Variants in NCAM2 observed in about 807,000 individuals in gnomAD.
NCAM2 encodes neural cell adhesion molecule 2.
Under a neutral mutation model 98.1 loss-of-function variants are expected in NCAM2, and 30 were observed. The ratio of observed to expected loss-of-function variants is 0.31; its 90% CI spans 0.23 to 0.41. The LOEUF is 0.41. Ranked by LOEUF, NCAM2 falls within the 10% of genes least tolerant of loss-of-function variation. The pLI is 1.00. For synonymous variants in NCAM2, 368 were observed against 342.4 expected (o/e 1.07, Z -0.83); for missense variants, 867 against 1,005.8 (o/e 0.86, Z 1.87).
intron 1 of NCAM2, among the ~76,000 whole-genome samples, chr21:21,111,107 C>T (rs995252671): frequency 7.9e-5 from 12 of 151,984 alleles, no homozygotes; most frequent in African/African-American, 2.4e-4. Context: ...TTCTCCAAAC[C>T]AAACAGTATG....
intron 1 of NCAM2, among the ~76,000 whole-genome samples, chr21:21,213,546 A>G (rs2069745845): frequency 6.6e-6 from 1 of 152,152 alleles, no homozygotes; most frequent in South Asian, 2.1e-4. Context: ...GGTAGATGCT[A>G]TTAGGAATAA....
At chr21:21,351,009 C>G (rs1488543863) in intron 8 of NCAM2, among the ~76,000 whole-genome samples, 1 of 149,484 alleles carries the variant, frequency 6.7e-6, no homozygotes, top group African/African-American at 2.4e-5. Flanking sequence ...CCCAGCTACT[C>G]CGGAGGCTGA....
At chr21:21,176,260 G>A (rs964878150) in intron 1 of NCAM2, among the ~76,000 whole-genome samples, 9 of 152,018 alleles carry the variant, frequency 5.9e-5, no homozygotes, top group African/African-American at 2.2e-4. Context: ...TACATTATAA[G>A]CCTGTATTGA....
At chr21:21,261,181 C>G (rs969150039) in intron 1 of NCAM2, among the ~76,000 whole-genome samples, 1 of 152,078 alleles carries the variant, frequency 6.6e-6, no homozygotes, top group African/African-American at 2.4e-5. Flanking sequence ...CACACAACAT[C>G]AGCACAGCCA....
At chr21:21,533,046 G>GAT in intron 16 of NCAM2, among the ~76,000 whole-genome samples, 1 of 151,888 alleles carries the variant, frequency 6.6e-6, no homozygotes, top group Non-Finnish European at 1.5e-5. Flanking sequence ...TAAGAGGAAT[G>GAT]ATATGGAACT....
At chr21:21,264,890 A>ATG (rs1341779830) in intron 1 of NCAM2, among the ~76,000 whole-genome samples, 4 of 47,428 alleles carry the variant, frequency 8.4e-5, no homozygotes, top group South Asian at 1.0e-3. Flanking sequence ...GGATATATAT[A>ATG]TGTGTGTGTA....
rs138629076 is a variant in NCAM2 at position 21,283,627 on chromosome 21, G to A, written c.131-567G>A. 4.8e-3 allele frequency among the ~76,000 whole-genome samples: 736 copies of A among 151,870 alleles called. 8 individuals carry two copies. The highest frequency in any genetic ancestry group is 6.9e-3 in the Non-Finnish European group (468 of 67,816). Reference sequence around the variant, plus strand: ...GAGATTAGGACATCATTATAAAAACGGTCGTTGGCCTTATCTATTCAAATT... The same window carrying A: ...GAGATTAGGACATCATTATAAAAACAGTCGTTGGCCTTATCTATTCAAATT... On this transcript the variant is annotated intron_variant, in intron 2 of 17. Coordinates refer to ENST00000400546, the MANE Select transcript of NCAM2 (RefSeq NM_004540.5).
intron 15 of NCAM2, among the ~76,000 whole-genome samples, chr21:21,492,743 ATG>A (rs1986937747): frequency 6.6e-6 from 1 of 151,908 alleles, no homozygotes; most frequent in Non-Finnish European, 1.5e-5. Context: ...CATAGCAGCT[ATG>A]TGTTTGCTTC....
intron 1 of NCAM2, among the ~76,000 whole-genome samples, chr21:21,022,810 C>T (rs542054229): frequency 1.3e-4 from 20 of 151,394 alleles, no homozygotes; most frequent in South Asian, 1.0e-3. Flanking sequence ...TAGTTTTAAC[C>T]GGGAAAAGGT....
chr21:21,392,286 C>CT (rs1446382193), intron 9 of NCAM2, among the ~76,000 whole-genome samples: 2 of 152,154 alleles, frequency 1.3e-5, no homozygotes, highest in Non-Finnish European at 2.9e-5. Flanking sequence ...TGACATCATT[C>CT]TTTTTTATGG....
chr21:21,069,481 T>G (rs9974420), intron 1 of NCAM2, among the ~76,000 whole-genome samples: 5,647 of 152,206 alleles, frequency 0.037, 327 homozygotes, highest in African/African-American at 0.13. Context: ...CAGAAAATGT[T>G]TTCTGTCATA....
At chr21:21,421,074 T>G (rs1016809990) in intron 11 of NCAM2, among the ~76,000 whole-genome samples, 1 of 151,768 alleles carries the variant, frequency 6.6e-6, no homozygotes, top group African/African-American at 2.4e-5. Context: ...TATTGTATAT[T>G]GCCATTTCGT....
intron 1 of NCAM2, among the ~76,000 whole-genome samples, chr21:21,021,563 A>G (rs1221461095): frequency 1.3e-5 from 2 of 152,222 alleles, no homozygotes; most frequent in East Asian, 3.9e-4. Flanking sequence ...TTATGTTTAT[A>G]AAAACTAGAA....
chr21:21,234,001 G>T (rs1006587059), intron 1 of NCAM2, among the ~76,000 whole-genome samples: 1 of 151,656 alleles, frequency 6.6e-6, no homozygotes, highest in South Asian at 2.1e-4. Context: ...ATTTAAGAGC[G>T]TATAAAAGTT....
At chr21:21,148,462 T>G (rs892644351) in intron 1 of NCAM2, among the ~76,000 whole-genome samples, 1 of 152,130 alleles carries the variant, frequency 6.6e-6, no homozygotes, top group East Asian at 1.9e-4. Context: ...CTGGAAAAAT[T>G]TATTTGTCCT....
At chr21:21,188,511 C>T (rs1400544895) in intron 1 of NCAM2, among the ~76,000 whole-genome samples, 1 of 152,096 alleles carries the variant, frequency 6.6e-6, no homozygotes, top group Non-Finnish European at 1.5e-5. Flanking sequence ...ATTCTCTTAT[C>T]ATTGTGTTAT....
At chr21:21,045,959 G>T (rs2065001051) in intron 1 of NCAM2, among the ~76,000 whole-genome samples, 1 of 152,148 alleles carries the variant, frequency 6.6e-6, no homozygotes, top group Admixed American at 6.5e-5. Flanking sequence ...ACACTGCCTG[G>T]ATTCAAATTT....
chr21:21,026,964 C>A (rs1046318981), intron 1 of NCAM2, among the ~76,000 whole-genome samples: 1 of 148,792 alleles, frequency 6.7e-6, no homozygotes, highest in African/African-American at 2.5e-5. Context: ...TCAAGTGATT[C>A]TTCTGCCTCA....
intron 1 of NCAM2, among the ~76,000 whole-genome samples, chr21:21,142,440 G>A (rs539969719): frequency 1.3e-3 from 197 of 147,454 alleles, no homozygotes; most frequent in Non-Finnish European, 2.2e-3. Flanking sequence ...GTGCAGTGGC[G>A]CAATCTCGGC....
Sources: gnomAD v4.1 joint callset for allele counts (sites outside exome capture counted in the v4.1 genomes callset) on GRCh38, gnomAD v4.1.1 for gene constraint, MANE v1.5 for transcripts, NCBI Gene and HGNC (gene_info 2026-07-23, HGNC 2026-07-21) for gene names.